Variants in MINDY2 observed in about 807,000 individuals in gnomAD.
MINDY2 encodes the protein MINDY lysine 48 deubiquitinase 2.
In MINDY2, 52 loss-of-function variants were observed where a neutral mutation model predicts 68.2. The observed-to-expected ratio is 0.76, with a 90% CI of 0.61 to 0.96. The LOEUF is 0.96. Among genes scored for constraint, MINDY2 ranks in the 40% least tolerant of loss-of-function variants. The pLI is 0.00. For synonymous variants in MINDY2, 372 were observed against 303.0 expected, an observed-to-expected ratio of 1.23 and a Z score of -2.36; for missense variants, 881 against 773.4, an observed-to-expected ratio of 1.14 and a Z score of -1.65.
chr15:58,794,342 T>C (rs550112729), intron 2 of MINDY2, among the ~76,000 whole-genome samples: 1 of 144,858 alleles, frequency 6.9e-6, no homozygotes, highest in Admixed American at 7.3e-5. Context: ...TAAAGTAGAA[T>C]AAAAGTTTTT....
Position 58,796,593 on chromosome 15 carries a change from T to G in MINDY2, c.899-5720T>G, listed in dbSNP as rs1170584297. On this transcript the variant is annotated intron_variant, in intron 2 of 8. Transcript: ENST00000559228. ...AAGCTGGAGTGCAGTGGCACGATCT[T>G]GCTCACTGCAACCTCTGCCTCCCAG... 5.3e-5 allele frequency among the ~76,000 whole-genome samples: 8 copies of G among 152,186 alleles called. No homozygotes were observed. The East Asian group carries it at 1.5e-3, about 29-fold the overall frequency.
chr15:58,834,093 C>G (rs537779441), intron 6 of MINDY2, among the ~76,000 whole-genome samples: 1 of 152,292 alleles, frequency 6.6e-6, no homozygotes, highest in South Asian at 2.1e-4. Context: ...TTTAACAAAG[C>G]ACACCCTGCA....
intron 4 of MINDY2, among the ~76,000 whole-genome samples, chr15:58,819,867 A>T (rs688343): frequency 0.26 from 38,889 of 152,096 alleles, 5,450 homozygotes; most frequent in East Asian, 0.61. Context: ...TGTGCAATGT[A>T]CATAGAATCT....
At chr15:58,800,663 C>CTT (rs576365812) in intron 2 of MINDY2, among the ~76,000 whole-genome samples, 6 of 141,180 alleles carry the variant, frequency 4.2e-5, no homozygotes, top group South Asian at 4.6e-4. Context: ...TCCAGTTTAG[C>CTT]TTTTTTTTTT....
chr15:58,854,501 C>T lies in MINDY2; in HGVS notation c.1757C>T (p.Ala586Val), dbSNP rs1381992714. The change falls in exon 9 of 9, where the codon GCC becomes GTC. Residue 586 changes from alanine (A) to valine (V), a missense_variant. Ala to Val is a moderately conservative substitution (Grantham distance 64, BLOSUM62 0). Transcript: ENST00000559228. ...TTAAAGCAGGGCCAGCCAGCACAAG[C>T]CTCTCCATCAAGTGGAAGACAATCT... is the stretch of plus-strand genomic sequence containing the variant. ...TQAQQGQPAQ[A>V]SPSSGRQSGN... 1 of 1,613,428 alleles carries T rather than the reference C, an allele frequency of 6.2e-7. No homozygotes were observed. The highest frequency in any genetic ancestry group is 1.3e-5 in the African/African-American group (1 of 74,842).
At position 58,852,058 on chromosome 15, in the gene MINDY2, A is replaced by G. The variant is rs1319508057; in HGVS notation, c.1737+93A>G. 11 of 974,680 alleles carry G rather than the reference A, an allele frequency of 1.1e-5. No homozygotes were observed. The East Asian group carries it at 1.9e-4, about 17-fold the overall frequency. The allele number at this position is 974,680 out of a possible 1,614,324, so 60.4% of individuals were successfully genotyped here. ...TCCCAGCCCTTTGGGAGGCTGAGGCAGGCAGATTGCTTGAGCCCAGGAGTT... is the reference window on the plus strand; with the variant it reads ...TCCCAGCCCTTTGGGAGGCTGAGGCGGGCAGATTGCTTGAGCCCAGGAGTT... On this transcript the variant is annotated intron_variant, in intron 8 of 8. Transcript: ENST00000559228.
chr15:58,780,695 A>G (rs771874617), intron 1 of MINDY2, among the ~76,000 whole-genome samples: 7 of 152,170 alleles, frequency 4.6e-5, no homozygotes, highest in African/African-American at 9.6e-5. Context: ...TCTGTACTTT[A>G]TCTTATGTCT....
intron 2 of MINDY2, among the ~76,000 whole-genome samples, chr15:58,800,121 A>C (rs911075693): frequency 1.3e-5 from 2 of 152,148 alleles, no homozygotes; most frequent in Non-Finnish European, 2.9e-5. Flanking sequence ...CCAAATGTTC[A>C]CCTGGTATAA....
intron 7 of MINDY2, among the ~76,000 whole-genome samples, chr15:58,849,812 G>A (rs977268395): frequency 4.6e-5 from 7 of 152,210 alleles, no homozygotes; most frequent in Non-Finnish European, 7.4e-5. Flanking sequence ...TGCGATCTCG[G>A]CTCACTGCAA....
At position 58,794,361 on chromosome 15, in the gene MINDY2, GTGTGT is replaced by G. The variant is rs1567045733; in HGVS notation, c.898+6399_898+6403del. ...GTAGAATAAAAGTTTTTTTTGGGGT[GTGTGT>G]GTGTGTGTGTGTGTGTGTGTGTGTG... On this transcript the variant is annotated intron_variant, in intron 2 of 8. Coordinates refer to ENST00000559228, the MANE Select transcript of MINDY2 (RefSeq NM_001040450.3). Among the ~76,000 whole-genome samples the G allele has an allele frequency of 4.0e-3, 476 of 118,064 alleles. 4 individuals are homozygous for G. The highest frequency in any genetic ancestry group is 0.017 in the African/African-American group (437 of 26,422). The allele number at this position is 118,064 out of a possible 152,430, so 77.5% of individuals were successfully genotyped here.
intron 5 of MINDY2, among the ~76,000 whole-genome samples, 192 bp from the exon 6 acceptor site, chr15:58,831,582 A>C (rs1001319789): frequency 3.9e-5 from 6 of 152,250 alleles, no homozygotes; most frequent in Admixed American, 3.3e-4. Context: ...TAGGATAGGA[A>C]TGTCTGTATA....
In MINDY2 at chr15:58,772,404, A is replaced by G. The variant is rs747913062; in HGVS notation, c.840+169A>G. On this transcript the variant is annotated intron_variant, in intron 1 of 8. Coordinates refer to ENST00000559228, the MANE Select transcript of MINDY2 (RefSeq NM_001040450.3). ...ATGTTGAAGGAATATTCCTTTATAC[A>G]TATATCGAAAAGAATTGCCCCTAAC... Among the ~76,000 whole-genome samples, 22 of 152,302 alleles carry G rather than the reference A, an allele frequency of 1.4e-4. No individual in the cohort carries two copies. In the South Asian group the frequency reaches 1.5e-3, roughly 10 times the overall value.
chr15:58,826,764 T>A (rs1233967702), intron 5 of MINDY2, among the ~76,000 whole-genome samples: 3 of 152,216 alleles, frequency 2.0e-5, no homozygotes, highest in Non-Finnish European at 2.9e-5. Flanking sequence ...TTTTAATTTT[T>A]TTCAATGGAG....
At chr15:58,807,720 A>G (rs546764254) in intron 3 of MINDY2, among the ~76,000 whole-genome samples, 1 of 152,290 alleles carries the variant, frequency 6.6e-6, no homozygotes, top group South Asian at 2.1e-4. Flanking sequence ...ACTGATGTGG[A>G]CAAAATGACT....
Position 58,860,761 on chromosome 15 carries a change from A to G in MINDY2, c.*6151A>G, listed in dbSNP as rs1007381549. ...ACATAATTGCAACATGTTTTAAGAC[A>G]AACAGTATTTAATCCTTGAAGACCT... On this transcript the variant is annotated 3_prime_UTR_variant, in exon 9 of 9. Coordinates refer to ENST00000559228, the MANE Select transcript of MINDY2 (RefSeq NM_001040450.3). 12 of 151,498 alleles carry G rather than the reference A, an allele frequency of 7.9e-5. No homozygotes were observed. The highest frequency in any genetic ancestry group is 2.7e-4 in the African/African-American group (11 of 40,780). The allele number at this position is 151,498 out of a possible 1,614,324, so 9.4% of individuals were successfully genotyped here.
chr15:58,839,646 T>G (rs554443631), intron 6 of MINDY2, among the ~76,000 whole-genome samples: 13 of 152,160 alleles, frequency 8.5e-5, no homozygotes, highest in African/African-American at 3.1e-4. Context: ...GTTAGGCTTT[T>G]TGGTGATCCT....
intron 5 of MINDY2, among the ~76,000 whole-genome samples, chr15:58,828,777 G>A (rs922006120): frequency 9.9e-5 from 15 of 151,546 alleles, no homozygotes; most frequent in African/African-American, 3.6e-4. Flanking sequence ...AAGTCAGGAT[G>A]GTCTCGATCT....
chr15:58,821,922 C>A, intron 5 of MINDY2, 103 bp downstream of exon 5: 1 of 709,894 alleles, frequency 1.4e-6, no homozygotes, highest in Non-Finnish European at 2.2e-6. Context: ...TTCTAAAAAA[C>A]ACATGTTATA....
chr15:58,778,222 A>AC (rs2140895477), intron 1 of MINDY2, among the ~76,000 whole-genome samples: 1 of 152,304 alleles, frequency 6.6e-6, no homozygotes, highest in East Asian at 1.9e-4. Flanking sequence ...TAGAGAAGAT[A>AC]GAGTATTGCA....
Sources: gnomAD v4.1 joint callset for allele counts (sites outside exome capture counted in the v4.1 genomes callset) on GRCh38, gnomAD v4.1.1 for gene constraint, MANE v1.5 for transcripts, NCBI Gene and HGNC (gene_info 2026-07-23, HGNC 2026-07-21) for gene names.